Variants in NRCAM observed in about 807,000 individuals in gnomAD.
NRCAM encodes neuronal cell adhesion molecule, also known as NgCAM-related cell adhesion molecule.
In NRCAM, 83 loss-of-function variants were observed where a neutral mutation model predicts 156.5. The observed-to-expected ratio is 0.53, with a 90% CI of 0.44 to 0.64. NRCAM has a LOEUF of 0.64. NRCAM is among the 30% of genes least tolerant of loss of function. The pLI, the probability that NRCAM is intolerant of heterozygous loss-of-function variation, is 0.00. For synonymous variants in NRCAM, 538 were observed against 563.9 expected (o/e 0.95, Z 0.65); for missense variants, 1,417 against 1,597.3 (o/e 0.89, Z 1.92).
intron 22 of NRCAM, among the ~76,000 whole-genome samples, chr7:108,183,813 G>C (rs1376443877): frequency 6.6e-6 from 1 of 152,180 alleles, no homozygotes; most frequent in Non-Finnish European, 1.5e-5. Flanking sequence ...GGGATTATAG[G>C]CGTGAGCTAC....
intron 26 of NRCAM, among the ~76,000 whole-genome samples, chr7:108,177,057 C>T (rs2060767506): frequency 6.6e-6 from 1 of 151,978 alleles, no homozygotes; most frequent in Non-Finnish European, 1.5e-5. Flanking sequence ...TATTATTCTA[C>T]AGATTACTTA....
chr7:108,286,819 T>C (rs2098118804), intron 3 of NRCAM, among the ~76,000 whole-genome samples: 1 of 152,204 alleles, frequency 6.6e-6, no homozygotes, highest in Non-Finnish European at 1.5e-5. Context: ...TAGAATCAGA[T>C]ACGATATTTT....
intron 3 of NRCAM, among the ~76,000 whole-genome samples, chr7:108,296,116 CA>C (rs1563149581): frequency 6.6e-6 from 1 of 152,202 alleles, no homozygotes; most frequent in Non-Finnish European, 1.5e-5. Flanking sequence ...ACACACTCCA[CA>C]GTCTTAAGAA....
intron 2 of NRCAM, among the ~76,000 whole-genome samples, chr7:108,363,289 T>C (rs1344932564): frequency 6.6e-6 from 1 of 152,186 alleles, no homozygotes; most frequent in African/African-American, 2.4e-5. Context: ...TTCCTTTTTT[T>C]TTGAGACAGG....
chr7:108,346,846 T>TA (rs1223011901), intron 2 of NRCAM, among the ~76,000 whole-genome samples: 1 of 152,054 alleles, frequency 6.6e-6, no homozygotes, highest in Admixed American at 6.5e-5. Context: ...TTTGAAGATT[T>TA]AGTAGGAAAA....
intron 24 of NRCAM, 101 bp from the exon 25 acceptor site, chr7:108,180,528 G>T (rs538650258): frequency 9.8e-6 from 9 of 916,608 alleles, no homozygotes; most frequent in African/African-American, 6.7e-5. Context: ...AATTCCGTTG[G>T]TATATTTTAG....
chr7:108,213,415 A>C (rs2085880500), intron 11 of NRCAM, among the ~76,000 whole-genome samples: 1 of 152,216 alleles, frequency 6.6e-6, no homozygotes, highest in South Asian at 2.1e-4. Context: ...GGTATCTCAC[A>C]TCTCAATATT....
intron 32 of NRCAM, among the ~76,000 whole-genome samples, chr7:108,156,925 CTT>C (rs768102071): frequency 1.4e-4 from 21 of 152,012 alleles, no homozygotes; most frequent in Non-Finnish European, 2.2e-4. Context: ...ATAATAAACA[CTT>C]TTTGGATTTC....
intron 2 of NRCAM, among the ~76,000 whole-genome samples, chr7:108,350,680 G>T (rs1376710700): frequency 6.9e-6 from 1 of 144,460 alleles, no homozygotes; most frequent in Admixed American, 7.1e-5. Context: ...AAAATTACTT[G>T]CACTCAAATG....
In NRCAM at chr7:108,181,867, G is replaced by A. The variant is rs2153325764; in HGVS notation, c.2601C>T (p.Asp867=). Residue 867 remains aspartate (D), a synonymous_variant, in exon 24 of 33, where the codon GAC becomes GAT. Coordinates refer to ENST00000379028, the MANE Select transcript of NRCAM (RefSeq NM_001037132.4). The part of the protein sequence containing the change: ...VNSTLAEVHW[D]PVPLKSIRGH... The stretch of plus-strand genomic sequence containing the variant: ...CTCGGATGCTTTTCAGAGGTACTGG[G>A]TCCCAGTGCACCTCGGCTAAGGTAC... The A allele has an allele frequency of 1.2e-6, 2 of 1,614,106 alleles. No individual in the cohort carries two copies. Among genetic ancestry groups the A allele is most frequent in the East Asian group, 4.5e-5 (2 of 44,870 alleles).
At chr7:108,448,201 C>T (rs1051626390) in intron 1 of NRCAM, among the ~76,000 whole-genome samples, 2 of 152,172 alleles carry the variant, frequency 1.3e-5, no homozygotes, top group Non-Finnish European at 2.9e-5. Context: ...TATCATGATT[C>T]ATGTAAAACA....
At chr7:108,335,159 T>G (rs1242207839) in intron 2 of NRCAM, among the ~76,000 whole-genome samples, 4 of 152,202 alleles carry the variant, frequency 2.6e-5, no homozygotes, top group African/African-American at 9.7e-5. Context: ...TTTGTTAGTA[T>G]ATGTAGTGTT....
Position 108,180,425 on chromosome 7 carries a change from A to C in NRCAM, c.2649T>G (p.Ile883Met). 6.2e-7 allele frequency: 1 copy of C among 1,613,462 alleles called. No individual in the cohort carries two copies. Residue 883 changes from isoleucine to methionine, a missense_variant and splice_region_variant, in exon 25 of 33, where the codon ATT becomes ATG. Coordinates refer to ENST00000379028, the MANE Select transcript of NRCAM (RefSeq NM_001037132.4). ...ATGAACTCTGGGTCTTCCAATAGTA[A>C]ATCTGAAACAGCAAGAACGAAAGTC... ...SIRGHLQGYR[I>M]YYWKTQSSSK... is the part of the protein sequence containing the mutation.
At chr7:108,279,868 C>A (rs1395250069) in intron 3 of NRCAM, among the ~76,000 whole-genome samples, 2 of 151,994 alleles carry the variant, frequency 1.3e-5, no homozygotes, top group Admixed American at 1.3e-4. Context: ...CCTGCAACAC[C>A]ATCTTTATGC....
intron 9 of NRCAM, among the ~76,000 whole-genome samples, chr7:108,225,932 T>C (rs2093372843): frequency 6.6e-6 from 1 of 152,176 alleles, no homozygotes; most frequent in African/African-American, 2.4e-5. Context: ...AGAGGCACTG[T>C]GGAGCATAAA....
intron 2 of NRCAM, among the ~76,000 whole-genome samples, chr7:108,391,933 C>G (rs1356830486): frequency 1.3e-5 from 2 of 152,132 alleles, no homozygotes; most frequent in Non-Finnish European, 2.9e-5. Flanking sequence ...GAGTTTCTGC[C>G]GAGAGATCCG....
At chr7:108,313,353 A>T (rs188156535) in intron 2 of NRCAM, 1 of 152,332 alleles carries the variant, frequency 6.6e-6, no homozygotes, top group East Asian at 1.9e-4. Context: ...GAACAATCAC[A>T]GCTGAGCACA....
chr7:108,455,761 G>A (rs890250069), intron 1 of NRCAM, among the ~76,000 whole-genome samples: 3 of 152,154 alleles, frequency 2.0e-5, no homozygotes, highest in African/African-American at 7.2e-5. Flanking sequence ...GTGCGCTCCC[G>A]GCCCGGCCCC....
intron 3 of NRCAM, among the ~76,000 whole-genome samples, chr7:108,280,721 G>C (rs1442474518): frequency 6.6e-6 from 1 of 152,218 alleles, no homozygotes; most frequent in Non-Finnish European, 1.5e-5. Flanking sequence ...TGAAATAAAG[G>C]ATCTGGCAAC....
Sources: allele counts gnomAD v4.1 joint callset (sites outside exome capture counted in the v4.1 genomes callset), GRCh38; gene constraint gnomAD v4.1.1; transcripts MANE v1.5; gene names NCBI Gene and HGNC (gene_info 2026-07-23, HGNC 2026-07-21).